The following MS4A4E variants were observed in gnomAD, a reference collection of about 807,000 sequenced individuals.
The protein encoded by MS4A4E is membrane spanning 4-domains A4E.
A neutral mutation model predicts 13.3 loss-of-function variants in MS4A4E; 23 were observed. The observed-to-expected ratio is 1.73, with a 90% CI of 1.25 to 2.45. The LOEUF (loss-of-function observed/expected upper bound fraction) is 2.45. Among genes scored for constraint, MS4A4E ranks in the 30% most tolerant of loss-of-function variants. MS4A4E has a pLI of 0.00. For missense variants in MS4A4E, 144 were observed against 131.2 expected (o/e 1.10, Z -0.48); for synonymous variants, 36 against 45.6 (o/e 0.79, Z 0.85).
intron 1 of MS4A4E, among the ~76,000 whole-genome samples, chr11:60,242,299 G>A (rs2084561732): frequency 6.6e-6 from 1 of 152,162 alleles, no homozygotes; most frequent in South Asian, 2.1e-4. Context: ...AGATTACAAT[G>A]ACTACGACTA....
intron 1 of MS4A4E, among the ~76,000 whole-genome samples, chr11:60,233,765 C>T (rs114758449): frequency 0.019 from 2,914 of 152,280 alleles, 97 homozygotes; most frequent in African/African-American, 0.066. Context: ...AGTGGGAATG[C>T]GGAGTCAGAG....
At chr11:60,203,794 A>G (rs905110547) in intron 8 of MS4A4E, among the ~76,000 whole-genome samples, 4 of 152,210 alleles carry the variant, frequency 2.6e-5, no homozygotes, top group Non-Finnish European at 5.9e-5. Flanking sequence ...TTTCTTGTAA[A>G]TGTAGCAAAA....
chr11:60,234,697 A>T (rs2084457695), intron 1 of MS4A4E, among the ~76,000 whole-genome samples: 1 of 152,128 alleles, frequency 6.6e-6, no homozygotes, highest in Admixed American at 6.6e-5. Flanking sequence ...AAAAAAAATT[A>T]AAAGCTTAGT....
At chr11:60,226,004 A>C (rs186985605) in intron 3 of MS4A4E, among the ~76,000 whole-genome samples, 66 of 152,142 alleles carry the variant, frequency 4.3e-4, no homozygotes, top group Middle Eastern at 3.4e-3. Flanking sequence ...TTAAAAGGAT[A>C]ATAAAATAAC....
intron 5 of MS4A4E, among the ~76,000 whole-genome samples, chr11:60,212,150 C>A (rs2084130699): frequency 6.6e-6 from 1 of 151,986 alleles, no homozygotes; most frequent in Non-Finnish European, 1.5e-5. Context: ...TAGTAAAATT[C>A]AGAATGGAGA....
In MS4A4E at chr11:60,200,433, T is replaced by C. The variant is rs1281138696; in HGVS notation, c.*1110A>G. ...TCTGGTTTTCCTAGGCAGAGGACCC[T>C]GCGGCCTTCCGAGGTGTTTGTGTCC... On this transcript the variant is annotated 3_prime_UTR_variant, in exon 9 of 9. Coordinates refer to ENST00000651255, the MANE Select transcript of MS4A4E (RefSeq NM_001393391.1). Among the ~76,000 whole-genome samples the C allele has an allele frequency of 2.6e-5, 4 of 152,268 alleles. No individual in the cohort carries two copies. In the South Asian group the frequency reaches 6.2e-4, roughly 24 times the overall value.
intron 5 of MS4A4E, among the ~76,000 whole-genome samples, chr11:60,209,888 G>T (rs1014425750): frequency 6.6e-6 from 1 of 152,202 alleles, no homozygotes; most frequent in Non-Finnish European, 1.5e-5. Context: ...GAGAATATTT[G>T]CATTCATTGC....
At chr11:60,222,244 C>A (rs2084278622) in intron 3 of MS4A4E, among the ~76,000 whole-genome samples, 1 of 152,216 alleles carries the variant, frequency 6.6e-6, no homozygotes, top group South Asian at 2.1e-4. Context: ...ATGCTTCTGG[C>A]AAGACTACAA....
chr11:60,240,227 T>C (rs1197115312), intron 1 of MS4A4E, among the ~76,000 whole-genome samples: 1 of 152,200 alleles, frequency 6.6e-6, no homozygotes, highest in Non-Finnish European at 1.5e-5. Context: ...ATTAGCTCAG[T>C]TGTCTGTGTT....
intron 3 of MS4A4E, among the ~76,000 whole-genome samples, chr11:60,218,923 G>A (rs905255707): frequency 6.6e-6 from 1 of 152,114 alleles, no homozygotes; most frequent in African/African-American, 2.4e-5. Context: ...CTCTAAGCAG[G>A]GATTCTGCAT....
At chr11:60,239,490 T>A (rs142619607) in intron 1 of MS4A4E, among the ~76,000 whole-genome samples, 1 of 152,264 alleles carries the variant, frequency 6.6e-6, no homozygotes, top group East Asian at 1.9e-4. Flanking sequence ...TTGGGGGAAG[T>A]GAAAAAGCAG....
At position 60,208,598 on chromosome 11, in the gene MS4A4E, TG is replaced by T; in HGVS notation, c.477del (p.Ser160ValfsTer28). On this transcript the variant is annotated frameshift_variant, in exon 6 of 9. Transcript: ENST00000651255. LOFTEE classifies it high-confidence loss of function. ...AFGCKVLCCS[P>X]SESKNKIRSN... ...AAATGAAGGCCAATACTGACCTCAC[TG>T]GGGCTACAACAAAGCACTTTACATC... The T allele has an allele frequency of 8.0e-7, 1 of 1,257,594 alleles. No homozygotes were observed. The highest frequency in any genetic ancestry group is 1.1e-6 in the Non-Finnish European group (1 of 873,022). 77.9% of individuals were successfully genotyped at this position (1,257,594 alleles called of 1,614,324 possible).
At chr11:60,223,742 C>G (rs1247791389) in intron 3 of MS4A4E, among the ~76,000 whole-genome samples, 5 of 152,124 alleles carry the variant, frequency 3.3e-5, no homozygotes, top group Admixed American at 3.3e-4. Context: ...ATCTTTCTCT[C>G]GTGCTGCATG....
intron 8 of MS4A4E, among the ~76,000 whole-genome samples, chr11:60,203,105 G>C (rs775651671): frequency 2.2e-4 from 34 of 152,064 alleles, no homozygotes; most frequent in Non-Finnish European, 3.4e-4. Context: ...ACACTTATCT[G>C]TTTCTTTTCC....
intron 3 of MS4A4E, among the ~76,000 whole-genome samples, chr11:60,223,390 C>T (rs1259389644): frequency 3.3e-5 from 5 of 152,090 alleles, no homozygotes; most frequent in Admixed American, 3.3e-4. Context: ...CAAAAAATAG[C>T]TGCATTATGT....
intron 3 of MS4A4E, among the ~76,000 whole-genome samples, chr11:60,215,150 A>G (rs1002209255): frequency 1.3e-5 from 2 of 152,046 alleles, no homozygotes; most frequent in African/African-American, 4.8e-5. Flanking sequence ...ATAATATTCC[A>G]TTATTAGAGT....
intron 3 of MS4A4E, among the ~76,000 whole-genome samples, chr11:60,221,810 A>G (rs1024582486): frequency 6.6e-6 from 1 of 152,224 alleles, no homozygotes; most frequent in Non-Finnish European, 1.5e-5. Flanking sequence ...AACTGTGAAG[A>G]TATTTGTATT....
chr11:60,238,160 G>A (rs1419430236), intron 1 of MS4A4E, among the ~76,000 whole-genome samples: 1 of 151,480 alleles, frequency 6.6e-6, no homozygotes, highest in Non-Finnish European at 1.5e-5. Flanking sequence ...GTCTTTTCTT[G>A]ATTTTGGTGT....
intron 1 of MS4A4E, among the ~76,000 whole-genome samples, chr11:60,235,111 T>C (rs1335272135): frequency 6.6e-6 from 1 of 152,188 alleles, no homozygotes; most frequent in East Asian, 1.9e-4. Flanking sequence ...ACAGAAGGCA[T>C]TAATGACAAA....
Sources: gnomAD v4.1 joint callset for allele counts (sites outside exome capture counted in the v4.1 genomes callset) on GRCh38, gnomAD v4.1.1 for gene constraint, MANE v1.5 for transcripts, NCBI Gene and HGNC (gene_info 2026-07-23, HGNC 2026-07-21) for gene names.